The following SLIT3 variants were observed in gnomAD, a reference collection of about 807,000 sequenced individuals.
SLIT3 encodes the protein slit homolog 3 protein.
SLIT3 carries 68 observed loss-of-function variants against 184.0 expected under a neutral mutation model. The observed-to-expected ratio is 0.37, with a 90% CI of 0.30 to 0.45. The LOEUF (loss-of-function observed/expected upper bound fraction) is 0.45, where lower values mean the gene tolerates loss of function less well. SLIT3 is among the 20% of genes least tolerant of loss of function. The pLI, the probability that SLIT3 is intolerant of heterozygous loss-of-function variation, is 1.00. For missense variants in SLIT3, 1,707 were observed against 2,026.0 expected (o/e 0.84, Z 3.02); for synonymous variants, 831 against 828.6 (o/e 1.00, Z -0.05).
rs755312236 is a variant in SLIT3, at chr5:169,014,767, A to G, written c.414-131431T>C. Among the ~76,000 whole-genome samples the G allele has an allele frequency of 5.1e-4, 77 of 152,190 alleles. 1 individual carries two copies. The highest frequency in any genetic ancestry group is 8.3e-4 in the South Asian group (4 of 4,826). On this transcript the variant is annotated intron_variant, in intron 4 of 35. Transcript: ENST00000519560. ...GGAGTTTGAGACCAGCCTGACCAAT[A>G]TGGTGAAACCCTGTCTCTACTAAAA...
At chr5:168,740,331 G>GA (rs1453125824) in intron 20 of SLIT3, among the ~76,000 whole-genome samples, 6 of 152,190 alleles carry the variant, frequency 3.9e-5, no homozygotes, top group Non-Finnish European at 7.4e-5. Flanking sequence ...GCTGACTGGA[G>GA]AAAAAAATCA....
intron 20 of SLIT3, among the ~76,000 whole-genome samples, chr5:168,738,691 C>A (rs888476646): frequency 2.6e-5 from 4 of 152,192 alleles, no homozygotes; most frequent in Non-Finnish European, 4.4e-5. Context: ...GTAATCCCAG[C>A]ACTTTGGGAG....
chr5:169,227,792 C>T lies in SLIT3; in HGVS notation c.341+16913G>A, dbSNP rs115560930. Among the ~76,000 whole-genome samples, 1,047 of 152,332 alleles carry T rather than the reference C, an allele frequency of 6.9e-3. 9 individuals carry two copies. The highest frequency in any genetic ancestry group is 0.024 in the African/African-American group (995 of 41,568). ...GCACTAACCTAATACTTCTATTACC[C>T]CCTTTCGCAGATGAGGAGATGAAGG... is the stretch of plus-strand genomic sequence containing the variant. On this transcript the variant is annotated intron_variant, in intron 3 of 35. Coordinates refer to ENST00000519560, the MANE Select transcript of SLIT3 (RefSeq NM_003062.4).
chr5:168,837,065 G>A (rs1758075137), intron 6 of SLIT3, among the ~76,000 whole-genome samples: 1 of 152,162 alleles, frequency 6.6e-6, no homozygotes, highest in Non-Finnish European at 1.5e-5. Flanking sequence ...GAGTCTGGAT[G>A]ACTAAGAAGG....
chr5:168,773,133 GCAAAAGA>G (rs1755620646), intron 13 of SLIT3, among the ~76,000 whole-genome samples, 189 bp from the exon 14 acceptor site: 1 of 152,114 alleles, frequency 6.6e-6, no homozygotes, highest in Non-Finnish European at 1.5e-5. Flanking sequence ...CCTGCTGTCT[GCAAAAGA>G]CAGTCACAGA....
intron 4 of SLIT3, among the ~76,000 whole-genome samples, chr5:168,925,339 C>G (rs187505856): frequency 2.6e-5 from 4 of 152,268 alleles, no homozygotes; most frequent in African/African-American, 9.6e-5. Context: ...GGGAAGCAGC[C>G]ACCCCAGCTG....
chr5:169,015,948 A>C (rs989509208), intron 4 of SLIT3, among the ~76,000 whole-genome samples: 2 of 123,734 alleles, frequency 1.6e-5, no homozygotes, highest in Non-Finnish European at 3.2e-5. Flanking sequence ...ACACACACAC[A>C]CACACACACA....
intron 3 of SLIT3, 152 bp downstream of exon 3, chr5:169,244,553 G>A (rs573943167): frequency 2.7e-5 from 17 of 632,644 alleles, no homozygotes; most frequent in East Asian, 1.1e-4. Context: ...TGCATCTAAT[G>A]TGCCTTAAGT....
At chr5:168,936,548 G>GC (rs1762166740) in intron 4 of SLIT3, among the ~76,000 whole-genome samples, 1 of 152,144 alleles carries the variant, frequency 6.6e-6, no homozygotes, top group Admixed American at 6.5e-5. Context: ...TCCTCTTAGA[G>GC]CAAGCGGCCA....
intron 1 of SLIT3, among the ~76,000 whole-genome samples, chr5:169,275,455 C>A (rs1295652735): frequency 6.6e-6 from 1 of 152,192 alleles, no homozygotes; most frequent in African/African-American, 2.4e-5. Flanking sequence ...AGACTTTGTC[C>A]TGATGTCGCT....
At chr5:168,905,028 T>C (rs1037353056) in intron 4 of SLIT3, among the ~76,000 whole-genome samples, 1 of 151,978 alleles carries the variant, frequency 6.6e-6, no homozygotes, top group Non-Finnish European at 1.5e-5. Context: ...AAATAAGAAA[T>C]TAGCTGGGCG....
chr5:169,255,054 A>G (rs1323463888), intron 1 of SLIT3, among the ~76,000 whole-genome samples: 2 of 152,222 alleles, frequency 1.3e-5, no homozygotes, highest in Admixed American at 1.3e-4. Flanking sequence ...ATAACACAAC[A>G]TATCACTCAC....
intron 14 of SLIT3, among the ~76,000 whole-genome samples, chr5:168,764,239 T>C (rs546664302): frequency 2.0e-5 from 3 of 152,330 alleles, no homozygotes; most frequent in Admixed American, 6.5e-5. Context: ...AATATGAATG[T>C]AGCTAGCAGT....
chr5:168,799,311 A>G (rs1237184928), intron 9 of SLIT3, among the ~76,000 whole-genome samples: 1 of 152,248 alleles, frequency 6.6e-6, no homozygotes, highest in Non-Finnish European at 1.5e-5. Flanking sequence ...TCTGAAGCCA[A>G]CAGCTGATTT....
intron 4 of SLIT3, among the ~76,000 whole-genome samples, chr5:169,001,476 C>T (rs536360131): frequency 3.3e-5 from 5 of 152,168 alleles, no homozygotes; most frequent in East Asian, 1.9e-4. Context: ...AGGCGGGTCA[C>T]GTCTTTTTTT....
At chr5:169,274,470 A>T (rs1274433894) in intron 1 of SLIT3, among the ~76,000 whole-genome samples, 1 of 152,238 alleles carries the variant, frequency 6.6e-6, no homozygotes, top group Non-Finnish European at 1.5e-5. Flanking sequence ...AAAATTCACT[A>T]GTACAGTGCC....
intron 4 of SLIT3, among the ~76,000 whole-genome samples, chr5:169,133,350 G>A (rs1761374223): frequency 6.6e-6 from 1 of 152,172 alleles, no homozygotes; most frequent in Admixed American, 6.5e-5. Context: ...AGTGGTGAGA[G>A]CCCACCTTTG....
intron 4 of SLIT3, among the ~76,000 whole-genome samples, chr5:169,130,473 C>T (rs1761253338): frequency 6.6e-6 from 1 of 152,156 alleles, no homozygotes; most frequent in African/African-American, 2.4e-5. Context: ...CACAGAATGT[C>T]CATTTCCTCA....
intron 4 of SLIT3, among the ~76,000 whole-genome samples, chr5:169,158,283 T>C: frequency 6.6e-6 from 1 of 152,180 alleles, no homozygotes; most frequent in South Asian, 2.1e-4. Context: ...TGCATATTTC[T>C]CATCAGAAAC....
Sources: allele counts gnomAD v4.1 joint callset (sites outside exome capture counted in the v4.1 genomes callset), GRCh38; gene constraint gnomAD v4.1.1; transcripts MANE v1.5; gene names NCBI Gene and HGNC (gene_info 2026-07-23, HGNC 2026-07-21).